The following CCNL1 variants were observed in gnomAD, a reference collection of about 807,000 sequenced individuals.
CCNL1 encodes cyclin-L1.
Under a neutral mutation model 60.6 loss-of-function variants are expected in CCNL1, and 13 were observed. The ratio of observed to expected loss-of-function variants is 0.21; its 90% confidence interval spans 0.14 to 0.34. CCNL1 has a LOEUF of 0.34. Ranked by LOEUF, CCNL1 falls within the 10% of genes least tolerant of loss-of-function variation. The pLI is 1.00. For missense variants in CCNL1, 481 were observed against 664.3 expected, an observed-to-expected ratio of 0.72 and a Z score of 3.03; for synonymous variants, 270 against 244.3, an observed-to-expected ratio of 1.10 and a Z score of -0.98.
At chr3:157,151,463 C>T (rs1342088193) in intron 5 of CCNL1, 2 of 985,710 alleles carry the variant, frequency 2.0e-6, no homozygotes, top group East Asian at 2.3e-4. Flanking sequence ...AAATGAAGTG[C>T]TTCTTGCTTC....
intron 3 of CCNL1, among the ~76,000 whole-genome samples, chr3:157,155,365 T>C (rs1738533088): frequency 6.6e-6 from 1 of 152,218 alleles, no homozygotes; most frequent in African/African-American, 2.4e-5. Context: ...TATGTTTGAA[T>C]TATAGCTACT....
At chr3:157,144,306 A>G (rs1357797352), downstream of CCNL1, among the ~76,000 whole-genome samples, 3 of 152,226 alleles carry the variant, frequency 2.0e-5, no homozygotes, top group South Asian at 2.1e-4. Flanking sequence ...TGTGTTTGAG[A>G]GTGGTAGAAT....
intron 3 of CCNL1, chr3:157,157,146 T>C: frequency 1.6e-6 from 2 of 1,264,036 alleles, no homozygotes; most frequent in Non-Finnish European, 2.1e-6. Flanking sequence ...GTTACGTGCT[T>C]GAGTAAACTT....
chr3:157,151,000 T>C (rs1401777048), intron 5 of CCNL1: 5 of 985,160 alleles, frequency 5.1e-6, no homozygotes, highest in African/African-American at 1.7e-5. Context: ...AGTTAAAAAA[T>C]TGCTGAACTT....
downstream of CCNL1, chr3:157,146,630 T>TA (rs78787088): frequency 0.064 from 21,611 of 340,048 alleles, 436 homozygotes; most frequent in South Asian, 0.12. Flanking sequence ...AAAAAAAAGT[T>TA]AAAAAAAAAA....
In CCNL1 at chr3:157,149,314, C is replaced by T. The variant is rs1480802763; in HGVS notation, c.1205G>A (p.Arg402His). 1.2e-6 allele frequency: 2 copies of T among 1,613,556 alleles called. No individual in the cohort carries two copies. The highest frequency in any genetic ancestry group is 8.5e-7 in the Non-Finnish European group (1 of 1,179,614). ...ASRSRSRTRS[R>H]SRSHTPRRHY... is the part of the protein sequence containing the mutation. ...TCTTCTTGGAGTATGTGATCTAGAACGTGATCGTGTTCTTGACCTCGATCG... is the reference window on the plus strand; with the variant it reads ...TCTTCTTGGAGTATGTGATCTAGAATGTGATCGTGTTCTTGACCTCGATCG... Residue 402 changes from arginine (R) to histidine (H), a missense_variant, in exon 10 of 11, where the codon CGT becomes CAT. Coordinates refer to ENST00000295926, the MANE Select transcript of CCNL1 (RefSeq NM_020307.4).
At chr3:157,159,091 C>A (rs563428191) in intron 2 of CCNL1, 116 bp from the exon 3 acceptor site, 24 of 703,282 alleles carry the variant, frequency 3.4e-5, no homozygotes, top group Non-Finnish European at 5.6e-5. Context: ...ATCTCTATGC[C>A]GTAAGTCTAC....
chr3:157,149,666 G>T, intron 8 of CCNL1, 70 bp from the exon 9 acceptor site: 3 of 1,490,066 alleles, frequency 2.0e-6, no homozygotes, highest in Non-Finnish European at 2.8e-6. Context: ...GTTTCTAAAT[G>T]TAACTCAAAG....
At chr3:157,152,055 C>CA (rs200759341) in intron 5 of CCNL1, 122 bp downstream of exon 5, 6 of 1,483,998 alleles carry the variant, frequency 4.0e-6, no homozygotes, top group South Asian at 1.4e-5. Context: ...AAAAACAAAA[C>CA]AAAAAAACAA....
At chr3:157,151,050 A>G in intron 5 of CCNL1, 1 of 985,016 alleles carries the variant, frequency 1.0e-6, no homozygotes, top group South Asian at 4.7e-5. Context: ...TAAACTATCA[A>G]AGAAATTTTA....
downstream of CCNL1, among the ~76,000 whole-genome samples, chr3:157,145,437 C>CAAAA (rs56894231): frequency 7.0e-4 from 17 of 24,268 alleles, 1 homozygote; most frequent in East Asian, 5.0e-3. Flanking sequence ...GACTTCATCT[C>CAAAA]AAAAAAAAAA....
intron 3 of CCNL1, among the ~76,000 whole-genome samples, chr3:157,155,876 A>C (rs1738583065): frequency 1.3e-5 from 2 of 152,234 alleles, no homozygotes; most frequent in Non-Finnish European, 2.9e-5. Flanking sequence ...AGAAAACTCA[A>C]AAATAATTTT....
At chr3:157,143,824 A>G (rs912281391), downstream of CCNL1, among the ~76,000 whole-genome samples, 2 of 152,210 alleles carry the variant, frequency 1.3e-5, no homozygotes, top group Non-Finnish European at 2.9e-5. Context: ...AGAGATGTGC[A>G]TATACAAGAA....
Position 157,149,471 on chromosome 3 carries a change from C to T in CCNL1, c.1133+14G>A. On this transcript the variant is annotated intron_variant, in intron 9 of 10. Transcript: ENST00000295926. The stretch of plus-strand genomic sequence containing the variant: ...AGATTCCTCAAGCCAGTTTTCCAGC[C>T]CAAGTATACTCACCCATTGTAAGGG... The T allele has an allele frequency of 1.2e-6, 2 of 1,611,978 alleles. No individual in the cohort carries two copies. Among genetic ancestry groups the T allele is most frequent in the South Asian group, 2.2e-5 (2 of 91,032 alleles).
At chr3:157,152,357 T>C (rs1232673581) in intron 4 of CCNL1, 116 bp from the exon 5 acceptor site, 2 of 1,465,962 alleles carry the variant, frequency 1.4e-6, no homozygotes, top group Non-Finnish European at 1.8e-6. Flanking sequence ...GCATCGATAA[T>C]ACAGACCAAT....
chr3:157,160,080 A>T lies in CCNL1; in HGVS notation c.15T>A (p.Pro5=). Residue 5 remains proline (P), a synonymous_variant, in exon 1 of 11, where the codon CCT becomes CCA. Transcript: ENST00000295926. Reference sequence around the variant, plus strand: ...CTGCGGCAGCAGTAGCTGTCGAATGAGGCCCGGACGCCATAGTCTTAGCGA... The same window carrying T: ...CTGCGGCAGCAGTAGCTGTCGAATGTGGCCCGGACGCCATAGTCTTAGCGA... MASG[P]HSTATAAAAA... The T allele has an allele frequency of 6.4e-7, 1 of 1,552,300 alleles. No individual in the cohort carries two copies. Among genetic ancestry groups the T allele is most frequent in the Non-Finnish European group, 8.7e-7 (1 of 1,148,770 alleles).
chr3:157,148,482 T>C lies in CCNL1; in HGVS notation c.1340A>G (p.His447Arg), dbSNP rs1737909220. ...ATCTCTGGTATGCTTGGCCTTAAGG[T>C]GAGGAGAACCATGATTATGATGTCT... ...PRRHHNHGSPHLKAKHTRDDL... is the reference protein window; with the variant it reads ...PRRHHNHGSPRLKAKHTRDDL... The change falls in exon 11 of 11, where the codon CAC (histidine) becomes CGC (arginine). Residue 447 changes from histidine to arginine, a missense_variant. Physicochemically the swap from His to Arg is conservative, Grantham distance 29. This residue lies in a region of CCNL1 where 197 missense variants were observed against 233.9 expected (regional missense o/e 0.84). Coordinates refer to ENST00000295926, the MANE Select transcript of CCNL1 (RefSeq NM_020307.4). The C allele has an allele frequency of 1.2e-6, 2 of 1,614,156 alleles. No individual in the cohort carries two copies. The highest frequency in any genetic ancestry group is 3.3e-4 in the Middle Eastern group (2 of 6,062).
downstream of CCNL1, chr3:157,146,698 T>C (rs1737796127): frequency 2.8e-6 from 1 of 356,290 alleles, no homozygotes; most frequent in African/African-American, 2.2e-5. Context: ...CTTTCTTCAA[T>C]GTCTATCTTG....
At chr3:157,157,092 T>A in intron 3 of CCNL1, 1 of 1,289,822 alleles carries the variant, frequency 7.8e-7, no homozygotes, top group Non-Finnish European at 1.0e-6. Flanking sequence ...CGCTGTATAG[T>A]CGGTTGCAAG....
Sources: gnomAD v4.1 joint callset for allele counts (sites outside exome capture counted in the v4.1 genomes callset) on GRCh38, gnomAD v4.1.1 for gene constraint, gnomAD v4.1.1 regional missense constraint, MANE v1.5 for transcripts, NCBI Gene and HGNC (gene_info 2026-07-23, HGNC 2026-07-21) for gene names.